Variants in FBLN1 observed in about 807,000 individuals in gnomAD.
FBLN1 encodes the protein fibulin-1.
A neutral mutation model predicts 89.7 loss-of-function variants in FBLN1; 34 were observed. The ratio of observed to expected loss-of-function variants is 0.38; its 90% CI spans 0.29 to 0.50. The LOEUF is 0.50. FBLN1 is among the 20% of genes least tolerant of loss of function. The pLI is 0.92. For missense variants in FBLN1, 777 were observed against 988.1 expected (o/e 0.79, Z 2.86); for synonymous variants, 393 against 391.3 (o/e 1.00, Z -0.05).
intron 11 of FBLN1, 74 bp downstream of exon 11, chr22:45,543,600 G>T: frequency 6.4e-7 from 1 of 1,559,390 alleles, no homozygotes; most frequent in South Asian, 1.2e-5. Flanking sequence ...TCTGCAGACC[G>T]GTTTGCAGCA....
chr22:45,573,835 T>C (rs2088971450), intron 14 of FBLN1, among the ~76,000 whole-genome samples: 1 of 152,186 alleles, frequency 6.6e-6, no homozygotes, highest in South Asian at 2.1e-4. Flanking sequence ...GTGGTGATTA[T>C]AAAGGCGTTT....
At position 45,535,382 on chromosome 22, in the gene FBLN1, C is replaced by T. The variant is rs2071938; in HGVS notation, c.922+45C>T. On this transcript the variant is annotated intron_variant, in intron 8 of 16. Coordinates refer to ENST00000327858, the MANE Select transcript of FBLN1 (RefSeq NM_006486.3). Reference sequence around the variant, plus strand: ...GATTAGCGGGTTATTCCAGGAGGGGCCAGCGACCTAGCCTTGGGGCAGGCC... The same window carrying T: ...GATTAGCGGGTTATTCCAGGAGGGGTCAGCGACCTAGCCTTGGGGCAGGCC... 1,333,328 of 1,610,480 alleles carry T rather than the reference C, an allele frequency of 0.83. 554,611 individuals are homozygous for T. The highest frequency in any genetic ancestry group is 0.86 in the South Asian group (77,754 of 90,744).
At chr22:45,542,387 A>G (rs887592737) in intron 10 of FBLN1, 104 bp downstream of exon 10, 1 of 1,462,776 alleles carries the variant, frequency 6.8e-7, no homozygotes, top group African/African-American at 1.4e-5. Flanking sequence ...CATCTCAGAT[A>G]ATCCCAAGTG....
chr22:45,524,913 C>A (rs2088300170), intron 2 of FBLN1, among the ~76,000 whole-genome samples: 1 of 152,020 alleles, frequency 6.6e-6, no homozygotes, highest in South Asian at 2.1e-4. Flanking sequence ...AGTGAAACCC[C>A]GTCTCTACAA....
intron 7 of FBLN1, among the ~76,000 whole-genome samples, chr22:45,534,662 A>G (rs136747): frequency 0.81 from 122,599 of 152,192 alleles, 49,495 homozygotes; most frequent in Middle Eastern, 0.86. Context: ...CCCCACCCCC[A>G]CACACCAGCT....
chr22:45,594,012 TA>T (rs2089161852), intron 16 of FBLN1, among the ~76,000 whole-genome samples: 1 of 152,086 alleles, frequency 6.6e-6, no homozygotes, highest in South Asian at 2.1e-4. Context: ...CCAGGTGACA[TA>T]GGGGGTCCAG....
At chr22:45,593,307 C>G (rs899268930) in intron 16 of FBLN1, among the ~76,000 whole-genome samples, 1 of 152,174 alleles carries the variant, frequency 6.6e-6, no homozygotes, top group Non-Finnish European at 1.5e-5. Context: ...GGTCTCCCCA[C>G]TGCACCCGAG....
chr22:45,546,010 T>A (rs1479740506), intron 11 of FBLN1, among the ~76,000 whole-genome samples: 1 of 152,034 alleles, frequency 6.6e-6, no homozygotes, highest in East Asian at 1.9e-4. Flanking sequence ...TAGCCGGGCA[T>A]GGTGGTGCAC....
In FBLN1 at chr22:45,507,426, G is replaced by A. The variant is rs1375934255; in HGVS notation, c.79+4362G>A. Reference sequence around the variant, plus strand: ...CACTATAAGATGTGAGTGTCCTCTGGGTAATTATTATAGGTGAAATGCTTT... The same window carrying A: ...CACTATAAGATGTGAGTGTCCTCTGAGTAATTATTATAGGTGAAATGCTTT... On this transcript the variant is annotated intron_variant, in intron 1 of 16. Transcript: ENST00000327858. Among the ~76,000 whole-genome samples, 6 of 152,238 alleles carry A rather than the reference G, an allele frequency of 3.9e-5. No individual in the cohort carries two copies. The East Asian group carries it at 1.2e-3, about 29-fold the overall frequency.
chr22:45,504,750 C>A (rs958294979), intron 1 of FBLN1, among the ~76,000 whole-genome samples: 2 of 152,264 alleles, frequency 1.3e-5, no homozygotes, highest in African/African-American at 4.8e-5. Context: ...CCAGGACTTG[C>A]GGGCCCAGTG....
In FBLN1 at chr22:45,576,092, C is replaced by CCCCAGT. The variant is rs1451893131; in HGVS notation, c.1841-875_1841-870dup. ...AGCACGTGGTTGCCCAAGGAGCCGT[C>CCCCAGT]CCCAGTCCCAGTCCCCCTAGGTTTG... On this transcript the variant is annotated intron_variant, in intron 15 of 16. Transcript: ENST00000327858. This position sits in a 1 kb window ranked among gnomAD's most constrained non-coding sequence, Gnocchi z 5.2. 6.6e-6 allele frequency among the ~76,000 whole-genome samples: 1 copy of CCCCAGT among 152,196 alleles called. No homozygotes were observed. The highest frequency in any genetic ancestry group is 6.5e-5 in the Admixed American group (1 of 15,286).
At chr22:45,541,849 C>G (rs1340143764) in intron 9 of FBLN1, among the ~76,000 whole-genome samples, 1 of 152,248 alleles carries the variant, frequency 6.6e-6, no homozygotes, top group Non-Finnish European at 1.5e-5. Flanking sequence ...TGCCTAGATC[C>G]CGCCAGGGAA....
At chr22:45,512,171 C>T (rs1250880800) in intron 1 of FBLN1, among the ~76,000 whole-genome samples, 1 of 151,810 alleles carries the variant, frequency 6.6e-6, no homozygotes, top group South Asian at 2.1e-4. Context: ...CAGCTGTTGG[C>T]GGTCTGGGAT....
chr22:45,555,009 A>G (rs9626378), intron 14 of FBLN1, among the ~76,000 whole-genome samples: 2,939 of 143,658 alleles, frequency 0.02, 264 homozygotes, highest in African/African-American at 0.083. Context: ...ACAGGAAGTT[A>G]GGACCCGTCC....
At chr22:45,548,070 G>A (rs2088654350) in intron 12 of FBLN1, among the ~76,000 whole-genome samples, 1 of 152,112 alleles carries the variant, frequency 6.6e-6, no homozygotes, top group Non-Finnish European at 1.5e-5. Context: ...TTGTTTTTGA[G>A]ACAGAGACAG....
chr22:45,547,149 G>T lies in FBLN1; in HGVS notation c.1386G>T (p.Gln462His). ...QECANVYGSY[Q>H]CYCRRGYQLS... The stretch of plus-strand genomic sequence containing the variant: ...GTGCCAACGTCTACGGCTCCTACCA[G>T]TGTTACTGCCGGCGAGGCTACCAGC... The change falls in exon 12 of 17, where the codon CAG (glutamine) becomes CAT (histidine). Residue 462 changes from glutamine to histidine, a missense_variant. Coordinates refer to ENST00000327858, the MANE Select transcript of FBLN1 (RefSeq NM_006486.3). 6.2e-7 allele frequency: 1 copy of T among 1,614,170 alleles called. No individual in the cohort carries two copies. Among genetic ancestry groups the T allele is most frequent in the East Asian group, 2.2e-5 (1 of 44,876 alleles).
chr22:45,574,615 T>C lies in FBLN1; in HGVS notation c.1802T>C (p.Ile601Thr), dbSNP rs1386152430. The C allele has an allele frequency of 3.7e-6, 6 of 1,614,000 alleles. No individual in the cohort carries two copies. The highest frequency in any genetic ancestry group is 2.2e-5 in the East Asian group (1 of 44,878). The part of the protein sequence containing the change: ...DPVHTISHTV[I>T]SLPTFREFTR... ...GTGCACACCATCTCCCACACCGTCA[T>C]CTCGCTGCCTACCTTCCGCGAGTTC... Residue 601 changes from isoleucine to threonine, a missense_variant, in exon 15 of 17, where the codon ATC becomes ACC. Coordinates refer to ENST00000327858, the MANE Select transcript of FBLN1 (RefSeq NM_006486.3). This position sits in a 1 kb window ranked among gnomAD's most constrained non-coding sequence, Gnocchi z 4.1.
At chr22:45,524,587 C>T (rs980600110) in intron 2 of FBLN1, among the ~76,000 whole-genome samples, 2 of 152,098 alleles carry the variant, frequency 1.3e-5, no homozygotes, top group East Asian at 1.9e-4. Flanking sequence ...GAAGATGGAA[C>T]GAGCACTGAG....
intron 2 of FBLN1, 73 bp from the exon 3 acceptor site, chr22:45,525,470 C>A: frequency 2.1e-6 from 3 of 1,410,124 alleles, no homozygotes; most frequent in South Asian, 2.5e-5. Context: ...TGAGAGCACC[C>A]CCACCCCCGA....
Sources: gnomAD v4.1 joint callset for allele counts (sites outside exome capture counted in the v4.1 genomes callset) on GRCh38, gnomAD v4.1.1 for gene constraint, Gnocchi (gnomAD v3.1) non-coding constraint, MANE v1.5 for transcripts, NCBI Gene and HGNC (gene_info 2026-07-23, HGNC 2026-07-21) for gene names.